Variants in IL17B observed in about 807,000 individuals in gnomAD.
The protein encoded by IL17B is interleukin 17B, also known as interleukin-17B.
Under a neutral mutation model 14.7 loss-of-function variants are expected in IL17B, and 14 were observed. The ratio of observed to expected loss-of-function variants is 0.95; its 90% CI spans 0.63 to 1.49. The LOEUF (loss-of-function observed/expected upper bound fraction) is 1.49, where lower values mean the gene tolerates loss of function less well. Ranked by LOEUF, IL17B falls within the 40% of genes most tolerant of loss-of-function variation. The probability of loss-of-function intolerance (pLI) is 0.00; values close to 1 mark genes in which losing one functional copy is unlikely to be tolerated. For synonymous variants in IL17B, 105 were observed against 94.8 expected (o/e 1.11, Z -0.62); for missense variants, 233 against 252.8 (o/e 0.92, Z 0.53).
At chr5:149,403,935 AG>A (rs1372255182) in intron 1 of IL17B, among the ~76,000 whole-genome samples, 2 of 152,194 alleles carry the variant, frequency 1.3e-5, no homozygotes, top group Non-Finnish European at 2.9e-5. Flanking sequence ...GTAGAGAAGT[AG>A]AGCCGGCTCT....
At chr5:149,389,950 T>C (rs1581392621) in intron 1 of IL17B, among the ~76,000 whole-genome samples, 1 of 151,792 alleles carries the variant, frequency 6.6e-6, no homozygotes, top group South Asian at 2.1e-4. Flanking sequence ...TGGGCAGGGG[T>C]TGGGGCCTCA....
intron 1 of IL17B, among the ~76,000 whole-genome samples, chr5:149,378,913 C>T (rs936324832): frequency 7.2e-5 from 11 of 152,244 alleles, no homozygotes; most frequent in Admixed American, 2.6e-4. Flanking sequence ...CCTCAGAAGC[C>T]GGGTCTCTTT....
intron 1 of IL17B, among the ~76,000 whole-genome samples, chr5:149,387,613 A>G (rs1053985040): frequency 6.7e-6 from 1 of 150,120 alleles, no homozygotes; most frequent in Non-Finnish European, 1.5e-5. Flanking sequence ...CTACAAAAAA[A>G]TAATTTAAAA....
At chr5:149,382,147 G>A (rs999024912), upstream of IL17B, among the ~76,000 whole-genome samples, 4 of 152,160 alleles carry the variant, frequency 2.6e-5, no homozygotes, top group Non-Finnish European at 4.4e-5. Context: ...TCCAAGAGCG[G>A]CCCGGGACTG....
intron 1 of IL17B, among the ~76,000 whole-genome samples, chr5:149,393,312 A>G (rs1025363654): frequency 9.9e-5 from 15 of 152,224 alleles, no homozygotes; most frequent in African/African-American, 3.6e-4. Context: ...ATCCCTCAGT[A>G]GGAAATGAGC....
upstream of IL17B, among the ~76,000 whole-genome samples, chr5:149,379,586 G>C (rs1758636433): frequency 6.6e-6 from 1 of 152,368 alleles, no homozygotes; most frequent in South Asian, 2.1e-4. Flanking sequence ...AAGACAATCA[G>C]CTTCGTTTGC....
upstream of IL17B, among the ~76,000 whole-genome samples, chr5:149,379,722 C>T (rs1302988153): frequency 6.6e-6 from 1 of 152,172 alleles, no homozygotes; most frequent in Non-Finnish European, 1.5e-5. Flanking sequence ...GAAACAGCCT[C>T]AGGCACTCCA....
chr5:149,391,739 T>A (rs945319822), intron 1 of IL17B, among the ~76,000 whole-genome samples: 6 of 152,116 alleles, frequency 3.9e-5, no homozygotes, highest in African/African-American at 1.4e-4. Flanking sequence ...GTGATTGAAC[T>A]GTGTGCAATG....
At chr5:149,396,323 G>T (rs1030667043) in intron 1 of IL17B, among the ~76,000 whole-genome samples, 1 of 152,216 alleles carries the variant, frequency 6.6e-6, no homozygotes, top group East Asian at 1.9e-4. Flanking sequence ...GACATGAATT[G>T]TATATAGTTG....
chr5:149,390,006 G>A (rs956172240), intron 1 of IL17B, among the ~76,000 whole-genome samples: 1 of 152,144 alleles, frequency 6.6e-6, no homozygotes, highest in Admixed American at 6.5e-5. Flanking sequence ...CTTCAGCCAA[G>A]GCCTGGAAGG....
chr5:149,396,692 A>G (rs1188943403), intron 1 of IL17B, among the ~76,000 whole-genome samples: 2 of 152,276 alleles, frequency 1.3e-5, no homozygotes, highest in South Asian at 2.1e-4. Flanking sequence ...GAGCCTGGGA[A>G]GTTGAGGCTG....
At chr5:149,381,268 T>A (rs888699434), upstream of IL17B, among the ~76,000 whole-genome samples, 1 of 152,124 alleles carries the variant, frequency 6.6e-6, no homozygotes, top group African/African-American at 2.4e-5. Context: ...CCAGCTGCAG[T>A]GCTTGCTACT....
In IL17B at chr5:149,374,343, C is replaced by T; in HGVS notation, c.*26G>A. 1 of 1,537,062 alleles carries T rather than the reference C, an allele frequency of 6.5e-7. No individual in the cohort carries two copies. Among genetic ancestry groups the T allele is most frequent in the Non-Finnish European group, 8.8e-7 (1 of 1,140,348 alleles). ...GTGCAAGGAGGATGGTCTCGGGCTG[C>T]TGGCCTGGCTTCTGGGCCAGGTGAT... On this transcript the variant is annotated 3_prime_UTR_variant, in exon 3 of 3. Coordinates refer to ENST00000261796, the MANE Select transcript of IL17B (RefSeq NM_014443.3). The surrounding 1 kb of genome is among the most constrained non-coding windows in gnomAD (Gnocchi z 5.0).
At chr5:149,379,426 G>A (rs1758629860), upstream of IL17B, 2 of 624,644 alleles carry the variant, frequency 3.2e-6, no homozygotes, top group East Asian at 2.8e-5. Flanking sequence ...AGGCGGTGAG[G>A]GGCGTGGGGG....
At chr5:149,389,451 TCTC>T (rs1291418983) in intron 1 of IL17B, among the ~76,000 whole-genome samples, 4 of 152,234 alleles carry the variant, frequency 2.6e-5, no homozygotes, top group African/African-American at 7.2e-5. Context: ...AGAGCCATCA[TCTC>T]CTCTCTTTTA....
rs529466864 is a variant in IL17B, at chr5:149,395,601, C to T, written n.95+8507G>A. On this transcript the variant is annotated intron_variant and non_coding_transcript_variant, in intron 1 of 2. Coordinates refer to the IL17B transcript ENST00000505432. ...GCAAATGCGACTTTAATTCATGAAA[C>T]GCTCCTAAAATGTCATCAACTGGAA... Among the ~76,000 whole-genome samples the T allele has an allele frequency of 1.7e-4, 26 of 152,304 alleles. No homozygotes were observed. The South Asian group carries it at 3.7e-3, about 22-fold the overall frequency.
Position 149,376,893 on chromosome 5 carries a change from G to T in IL17B, c.154C>A (p.Arg52=), listed in dbSNP as rs141618878. 6.2e-7 allele frequency: 1 copy of T among 1,614,024 alleles called. No homozygotes were observed. The highest frequency in any genetic ancestry group is 2.2e-5 in the East Asian group (1 of 44,880). Residue 52 remains arginine, a synonymous_variant, in exon 2 of 3, where the codon CGG becomes AGG. Coordinates refer to ENST00000261796, the MANE Select transcript of IL17B (RefSeq NM_014443.3). ...PHQVPLDLVS[R]MKPYARMEEY... is the part of the protein sequence containing the mutation. ...TCCATGCGGGCATACGGTTTCATCC[G>T]TGACACCAGGTCCAGTGGCACCTGG...
At chr5:149,392,881 G>A (rs1382487391) in intron 1 of IL17B, among the ~76,000 whole-genome samples, 1 of 152,048 alleles carries the variant, frequency 6.6e-6, no homozygotes, top group African/African-American at 2.4e-5. Flanking sequence ...ACCCTCTAAG[G>A]CTGAAACAAC....
intron 1 of IL17B, among the ~76,000 whole-genome samples, chr5:149,398,209 A>G (rs1759130717): frequency 6.6e-6 from 1 of 152,254 alleles, no homozygotes; most frequent in African/African-American, 2.4e-5. Context: ...AGTTTTGTCT[A>G]ACATAATGCA....
Sources: gnomAD v4.1 joint callset for allele counts (sites outside exome capture counted in the v4.1 genomes callset) on GRCh38, gnomAD v4.1.1 for gene constraint, Gnocchi (gnomAD v3.1) non-coding constraint, MANE v1.5 for transcripts, NCBI Gene and HGNC (gene_info 2026-07-23, HGNC 2026-07-21) for gene names.